Variants in SCAF8 observed in about 807,000 individuals in gnomAD.
SCAF8 encodes SR-related and CTD-associated factor 8.
Under a neutral mutation model 140.5 loss-of-function variants are expected in SCAF8, and 23 were observed. The ratio of observed to expected loss-of-function variants is 0.16; its 90% CI spans 0.12 to 0.23. SCAF8 has a LOEUF of 0.23. Ranked by LOEUF, SCAF8 falls within the 10% of genes least tolerant of loss-of-function variation. SCAF8 has a pLI of 1.00. For missense variants in SCAF8, 1,397 were observed against 1,555.7 expected (o/e 0.90, Z 1.72); for synonymous variants, 575 against 528.9 (o/e 1.09, Z -1.20).
intron 3 of SCAF8, among the ~76,000 whole-genome samples, chr6:154,780,964 GT>G: frequency 6.6e-6 from 1 of 152,130 alleles, no homozygotes; most frequent in African/African-American, 2.4e-5. Context: ...TTCCACAATG[GT>G]TTAACTAATT....
At chr6:154,816,022 C>G (rs1778237522) in intron 13 of SCAF8, among the ~76,000 whole-genome samples, 1 of 152,122 alleles carries the variant, frequency 6.6e-6, no homozygotes, top group Non-Finnish European at 1.5e-5. Context: ...GGAATTCTAA[C>G]AAAATGTTCT....
intron 1 of SCAF8, among the ~76,000 whole-genome samples, chr6:154,734,253 C>T (rs1335286840): frequency 2.0e-5 from 3 of 152,150 alleles, no homozygotes; most frequent in Non-Finnish European, 2.9e-5. Flanking sequence ...AGGTCAGTTC[C>T]GCCGAGGCCT....
intron 3 of SCAF8, among the ~76,000 whole-genome samples, chr6:154,786,017 C>G (rs1562445169): frequency 6.6e-6 from 1 of 152,300 alleles, no homozygotes; most frequent in East Asian, 1.9e-4. Flanking sequence ...TTCACCTTGC[C>G]TGCTGCCTAG....
intron 15 of SCAF8, 40 bp downstream of exon 15, chr6:154,820,373 T>C (rs878925851): frequency 6.5e-7 from 1 of 1,538,600 alleles, no homozygotes; most frequent in East Asian, 2.3e-5. Flanking sequence ...AAAAAAAGTA[T>C]GCTTAGAAGG....
intron 3 of SCAF8, among the ~76,000 whole-genome samples, chr6:154,784,120 G>GAGAGATATATATATATATAT (rs1362230678): frequency 9.4e-6 from 1 of 106,832 alleles, no homozygotes; most frequent in African/African-American, 3.2e-5. Flanking sequence ...GGTGTCTTGA[G>GAGAGATATATATATATATAT]ATATATATAT....
intron 17 of SCAF8, among the ~76,000 whole-genome samples, chr6:154,826,026 G>A (rs1778557446): frequency 6.6e-6 from 1 of 152,000 alleles, no homozygotes; most frequent in Admixed American, 6.6e-5. Flanking sequence ...ACGGTATGTT[G>A]ACTTCTGTAA....
chr6:154,800,031 C>G (rs2114895083), intron 6 of SCAF8, among the ~76,000 whole-genome samples: 1 of 151,380 alleles, frequency 6.6e-6, no homozygotes, highest in Non-Finnish European at 1.5e-5. Flanking sequence ...AGTGATCCGC[C>G]CGCCTCGGCC....
chr6:154,812,241 C>G (rs1778115020), intron 12 of SCAF8, among the ~76,000 whole-genome samples: 1 of 114,500 alleles, frequency 8.7e-6, no homozygotes, highest in Non-Finnish European at 1.7e-5. Flanking sequence ...TTGAGTACCT[C>G]TCTTGGCACT....
At chr6:154,785,255 G>A (rs1777218824) in intron 3 of SCAF8, among the ~76,000 whole-genome samples, 1 of 152,060 alleles carries the variant, frequency 6.6e-6, no homozygotes, top group East Asian at 1.9e-4. Context: ...GACATTGTGT[G>A]TGTTTTCTAG....
intron 1 of SCAF8, among the ~76,000 whole-genome samples, chr6:154,766,011 C>T (rs562697221): frequency 6.6e-6 from 1 of 152,000 alleles, no homozygotes; most frequent in South Asian, 2.1e-4. Flanking sequence ...ATAACATAAA[C>T]AGTTGATTAA....
chr6:154,813,640 T>C (rs1486577425), intron 12 of SCAF8, among the ~76,000 whole-genome samples: 3 of 152,182 alleles, frequency 2.0e-5, no homozygotes, highest in Non-Finnish European at 4.4e-5. Context: ...TTTAAATCAT[T>C]GGGATTTTTA....
intron 6 of SCAF8, among the ~76,000 whole-genome samples, chr6:154,801,535 C>G (rs765351770): frequency 6.6e-6 from 1 of 151,422 alleles, no homozygotes; most frequent in Non-Finnish European, 1.5e-5. Flanking sequence ...AGTTGCCAGA[C>G]TCTACTCTGA....
At chr6:154,781,350 A>C (rs1159648724) in intron 3 of SCAF8, among the ~76,000 whole-genome samples, 2 of 152,250 alleles carry the variant, frequency 1.3e-5, no homozygotes, top group Non-Finnish European at 2.9e-5. Flanking sequence ...GGACACAAAC[A>C]AATGGAAAAA....
intron 12 of SCAF8, among the ~76,000 whole-genome samples, chr6:154,812,930 G>T (rs919999264): frequency 2.6e-5 from 4 of 152,064 alleles, no homozygotes; most frequent in African/African-American, 7.2e-5. Flanking sequence ...AGGTGCAGCG[G>T]CTCACACCTG....
At chr6:154,785,695 T>C (rs1184297571) in intron 3 of SCAF8, among the ~76,000 whole-genome samples, 2 of 152,216 alleles carry the variant, frequency 1.3e-5, no homozygotes, top group Admixed American at 1.3e-4. Context: ...TTAAGGTGTA[T>C]TTGTATATTG....
At chr6:154,815,880 C>A in intron 13 of SCAF8, 64 bp downstream of exon 13, 1 of 899,096 alleles carries the variant, frequency 1.1e-6, no homozygotes. Context: ...TACAAAGAAT[C>A]ACTTCTGTTC....
chr6:154,767,601 A>T (rs1029484592), intron 1 of SCAF8, among the ~76,000 whole-genome samples: 1 of 135,894 alleles, frequency 7.4e-6, no homozygotes, highest in Non-Finnish European at 1.5e-5. Context: ...GTGCAGTGGC[A>T]CAGTCATAGC....
chr6:154,779,148 T>A (rs1028087674), intron 3 of SCAF8, among the ~76,000 whole-genome samples: 1 of 152,144 alleles, frequency 6.6e-6, no homozygotes, highest in Non-Finnish European at 1.5e-5. Flanking sequence ...TTCTCTTGCC[T>A]CAGCCTCCCC....
At chr6:154,808,629 G>A (rs2114645355) in intron 10 of SCAF8, 57 bp from the exon 11 acceptor site, 3 of 1,083,588 alleles carry the variant, frequency 2.8e-6, no homozygotes, top group African/African-American at 1.8e-5. Flanking sequence ...AATTGTCAAT[G>A]TATAACTCTG....
Sources: gnomAD v4.1 joint callset for allele counts (sites outside exome capture counted in the v4.1 genomes callset) on GRCh38, gnomAD v4.1.1 for gene constraint, MANE v1.5 for transcripts, NCBI Gene and HGNC (gene_info 2026-07-23, HGNC 2026-07-21) for gene names.